The following EFCAB11 variants were observed in gnomAD, a reference collection of about 807,000 sequenced individuals.
EFCAB11 encodes the protein EF-hand calcium binding domain 11, also known as EF-hand calcium-binding domain-containing protein 11.
Under a neutral mutation model 23.0 loss-of-function variants are expected in EFCAB11, and 14 were observed. That is an observed-to-expected ratio of 0.61 (90% CI 0.40 to 0.95). The LOEUF (loss-of-function observed/expected upper bound fraction) is 0.95. EFCAB11 is among the 40% of genes least tolerant of loss of function. EFCAB11 has a pLI of 0.00. For missense variants in EFCAB11, 198 were observed against 195.8 expected (o/e 1.01, Z -0.07); for synonymous variants, 65 against 66.6 (o/e 0.98, Z 0.11).
intron 5 of EFCAB11, among the ~76,000 whole-genome samples, chr14:89,800,093 G>A (rs1885723299): frequency 6.6e-6 from 1 of 152,148 alleles, no homozygotes; most frequent in Non-Finnish European, 1.5e-5. Context: ...GGCTGAGGCA[G>A]AAGAATTGCT....
chr14:89,895,095 C>G (rs565596979), intron 5 of EFCAB11, among the ~76,000 whole-genome samples: 1 of 152,204 alleles, frequency 6.6e-6, no homozygotes, highest in South Asian at 2.1e-4. Flanking sequence ...ATAGGATCTA[C>G]CTCAAAAGAC....
chr14:89,842,846 C>T (rs1004319628), intron 5 of EFCAB11, among the ~76,000 whole-genome samples: 2 of 152,104 alleles, frequency 1.3e-5, no homozygotes, highest in African/African-American at 2.4e-5. Context: ...TTCCATGGGG[C>T]CCTCTGCACA....
chr14:89,906,197 A>AAATC (rs1244796860), intron 5 of EFCAB11, among the ~76,000 whole-genome samples: 1 of 151,308 alleles, frequency 6.6e-6, no homozygotes. Flanking sequence ...ATAAATAAAT[A>AAATC]AATAAATAAA....
intron 5 of EFCAB11, among the ~76,000 whole-genome samples, chr14:89,916,882 T>C (rs1430932730): frequency 6.6e-6 from 1 of 152,224 alleles, no homozygotes; most frequent in African/African-American, 2.4e-5. Context: ...TTATATCCTT[T>C]AACATGACTC....
intron 5 of EFCAB11, among the ~76,000 whole-genome samples, chr14:89,920,722 G>T (rs148283849): frequency 2.3e-3 from 345 of 152,320 alleles, no homozygotes; most frequent in African/African-American, 8.0e-3. Context: ...AAGTGTTATA[G>T]GAGTTCTACA....
intron 5 of EFCAB11, among the ~76,000 whole-genome samples, chr14:89,915,315 T>C (rs1411559524): frequency 6.6e-6 from 1 of 152,256 alleles, no homozygotes; most frequent in Non-Finnish European, 1.5e-5. Context: ...CTTTGCTTCC[T>C]AACCTTAGAA....
At chr14:89,848,295 T>C (rs981661639) in intron 5 of EFCAB11, 3 of 152,206 alleles carry the variant, frequency 2.0e-5, no homozygotes, top group Admixed American at 1.3e-4. Context: ...GGTACCGATA[T>C]ATGACTTCAG....
chr14:89,932,478 C>A, intron 4 of EFCAB11, 48 bp downstream of exon 4: 2 of 1,445,642 alleles, frequency 1.4e-6, no homozygotes, highest in South Asian at 1.2e-5. Context: ...TATTTGCAAT[C>A]CCTTAAAAGT....
intron 5 of EFCAB11, among the ~76,000 whole-genome samples, chr14:89,859,715 G>A (rs1887861794): frequency 6.6e-6 from 1 of 152,178 alleles, no homozygotes; most frequent in South Asian, 2.1e-4. Context: ...GAGGTTAGGA[G>A]GGTAAGAGAG....
At chr14:89,860,232 C>T (rs912166267) in intron 5 of EFCAB11, among the ~76,000 whole-genome samples, 2 of 151,976 alleles carry the variant, frequency 1.3e-5, no homozygotes, top group African/African-American at 4.8e-5. Context: ...GGTGTGGTGG[C>T]GGGCACCCAT....
At chr14:89,830,337 C>G (rs1220331210) in intron 5 of EFCAB11, 2 of 152,172 alleles carry the variant, frequency 1.3e-5, no homozygotes, top group African/African-American at 2.4e-5. Flanking sequence ...TGCTTACACG[C>G]ATACTTTCAA....
At chr14:89,916,183 A>G (rs562809165) in intron 5 of EFCAB11, among the ~76,000 whole-genome samples, 12 of 151,474 alleles carry the variant, frequency 7.9e-5, no homozygotes, top group Non-Finnish European at 1.6e-4. Context: ...AAAAGAAAAA[A>G]ACAACAAATT....
In EFCAB11 at chr14:89,796,678, T is replaced by C. The variant is rs1460866977; in HGVS notation, c.*565A>G. On this transcript the variant is annotated 3_prime_UTR_variant, in exon 6 of 6. Transcript: ENST00000316738. ...GAACATAGTAAGTATTCTGTATGTG[T>C]AGGTGCTATTATTTGTTCAACCAAT... 1 of 152,616 alleles carries C rather than the reference T, an allele frequency of 6.6e-6. No individual in the cohort carries two copies. The highest frequency in any genetic ancestry group is 1.5e-5 in the Non-Finnish European group (1 of 68,334). The allele number at this position is 152,616 out of a possible 1,614,324, so 9.5% of individuals were successfully genotyped here.
At chr14:89,938,782 T>A (rs998427011) in intron 3 of EFCAB11, among the ~76,000 whole-genome samples, 1 of 151,622 alleles carries the variant, frequency 6.6e-6, no homozygotes, top group African/African-American at 2.4e-5. Flanking sequence ...ACTAGCCAGG[T>A]GAGGTGGTGC....
intron 5 of EFCAB11, among the ~76,000 whole-genome samples, chr14:89,828,101 A>C (rs1247549211): frequency 6.6e-6 from 1 of 152,202 alleles, no homozygotes; most frequent in African/African-American, 2.4e-5. Context: ...AAAGCCATTT[A>C]GTAGCCGTTT....
chr14:89,854,373 C>T (rs957821039), intron 5 of EFCAB11, among the ~76,000 whole-genome samples: 1 of 152,140 alleles, frequency 6.6e-6, no homozygotes, highest in African/African-American at 2.4e-5. Flanking sequence ...CTCCTCTCCA[C>T]ATCCACTAGC....
At chr14:89,861,560 A>G (rs547247981) in intron 5 of EFCAB11, among the ~76,000 whole-genome samples, 2 of 152,286 alleles carry the variant, frequency 1.3e-5, no homozygotes, top group Admixed American at 6.5e-5. Flanking sequence ...CTTACCTGCA[A>G]TGTCATTCCC....
chr14:89,800,228 C>T lies in EFCAB11; in HGVS notation c.411-2904G>A, dbSNP rs140148057. ...ACAAACAAACAAACAAACAAACGCA[C>T]GCCTGAGAAACACCTTAGACCCATC... On this transcript the variant is annotated intron_variant, in intron 5 of 5. Coordinates refer to ENST00000316738, the MANE Select transcript of EFCAB11 (RefSeq NM_145231.4). Among the ~76,000 whole-genome samples the T allele has an allele frequency of 4.5e-3, 682 of 151,802 alleles. 7 individuals carry two copies. The highest frequency in any genetic ancestry group is 0.015 in the African/African-American group (632 of 41,416).
chr14:89,893,584 CT>C (rs934020550), intron 5 of EFCAB11, among the ~76,000 whole-genome samples: 2 of 152,028 alleles, frequency 1.3e-5, no homozygotes, highest in African/African-American at 2.4e-5. Flanking sequence ...CCTTAAAGGC[CT>C]TTCCCTCTTG....
Sources: gnomAD v4.1 joint callset for allele counts (sites outside exome capture counted in the v4.1 genomes callset) on GRCh38, gnomAD v4.1.1 for gene constraint, MANE v1.5 for transcripts, NCBI Gene and HGNC (gene_info 2026-07-23, HGNC 2026-07-21) for gene names.